SDK1: variants seen among roughly 807,000 people sequenced by gnomAD.
SDK1 encodes the protein protein sidekick-1.
In SDK1, 157 loss-of-function variants were observed where a neutral mutation model predicts 245.5. The ratio of observed to expected loss-of-function variants is 0.64; its 90% CI spans 0.56 to 0.73. The LOEUF is 0.73. Ranked by LOEUF, SDK1 falls within the 30% of genes least tolerant of loss-of-function variation. The pLI, the probability that SDK1 is intolerant of heterozygous loss-of-function variation, is 0.00. For synonymous variants in SDK1, 1,647 were observed against 1,278.5 expected (o/e 1.29, Z -6.15); for missense variants, 3,583 against 3,002.3 (o/e 1.19, Z -4.52).
intron 1 of SDK1, among the ~76,000 whole-genome samples, chr7:3,331,961 A>G (rs1780080154): frequency 1.3e-5 from 2 of 152,232 alleles, no homozygotes; most frequent in Admixed American, 1.3e-4. Context: ...CTTTACAGGT[A>G]CTAAAAATCA....
At chr7:3,880,292 C>T (rs1436690399) in intron 5 of SDK1, among the ~76,000 whole-genome samples, 2 of 152,190 alleles carry the variant, frequency 1.3e-5, no homozygotes, top group African/African-American at 4.8e-5. Flanking sequence ...GGTTGCAGAC[C>T]AGCCGTACCC....
chr7:3,603,581 G>A (rs1393835172), intron 1 of SDK1, among the ~76,000 whole-genome samples: 1 of 151,910 alleles, frequency 6.6e-6, no homozygotes, highest in East Asian at 1.9e-4. Context: ...GGAGATTTTG[G>A]GCTGAGACGA....
At chr7:3,604,197 T>C (rs1168132454) in intron 1 of SDK1, among the ~76,000 whole-genome samples, 2 of 152,228 alleles carry the variant, frequency 1.3e-5, no homozygotes, top group African/African-American at 4.8e-5. Context: ...GTTGGCCTCA[T>C]AAAATGAGTT....
chr7:3,750,753 T>G (rs1461492071), intron 4 of SDK1, among the ~76,000 whole-genome samples: 1 of 152,226 alleles, frequency 6.6e-6, no homozygotes, highest in Non-Finnish European at 1.5e-5. Flanking sequence ...AGTTTGGCCA[T>G]GCAAAGAATC....
rs572079935 is a variant in SDK1, at chr7:3,683,330, T to A, written c.713+41225T>A. On this transcript the variant is annotated intron_variant, in intron 4 of 44. Coordinates refer to ENST00000404826, the MANE Select transcript of SDK1 (RefSeq NM_152744.4). Reference sequence around the variant, plus strand: ...AATGAATAATTATTTAAGCCTTTTATCTTTAAAAGATAATGCCTTTCAGCT... The same window carrying A: ...AATGAATAATTATTTAAGCCTTTTAACTTTAAAAGATAATGCCTTTCAGCT... Among the ~76,000 whole-genome samples, 21 of 152,336 alleles carry A rather than the reference T, an allele frequency of 1.4e-4. No individual in the cohort carries two copies. In the East Asian group the frequency reaches 3.9e-3, roughly 28 times the overall value.
chr7:4,073,419 C>A (rs1780390371), intron 20 of SDK1, among the ~76,000 whole-genome samples: 1 of 152,204 alleles, frequency 6.6e-6, no homozygotes, highest in Admixed American at 6.5e-5. Context: ...ACCATTTGAG[C>A]ACACTATATT....
intron 1 of SDK1, among the ~76,000 whole-genome samples, chr7:3,612,719 C>G (rs976798109): frequency 6.6e-6 from 1 of 152,138 alleles, no homozygotes. Flanking sequence ...ATTAGTCGCC[C>G]TGGGAAATTC....
intron 4 of SDK1, among the ~76,000 whole-genome samples, chr7:3,684,481 C>A (rs999856048): frequency 2.6e-5 from 4 of 152,170 alleles, no homozygotes; most frequent in African/African-American, 9.7e-5. Context: ...ACACACATAC[C>A]CAGCCGGCCT....
intron 5 of SDK1, among the ~76,000 whole-genome samples, chr7:3,935,075 G>A (rs533428776): frequency 6.6e-6 from 1 of 152,254 alleles, no homozygotes; most frequent in African/African-American, 2.4e-5. Flanking sequence ...TTTGTAAGCC[G>A]GTCATATCTC....
At chr7:3,698,746 G>A (rs988124816) in intron 4 of SDK1, among the ~76,000 whole-genome samples, 2 of 152,182 alleles carry the variant, frequency 1.3e-5, no homozygotes, top group Admixed American at 1.3e-4. Context: ...TCACATGGCA[G>A]GTAGAGAGAG....
intron 1 of SDK1, among the ~76,000 whole-genome samples, chr7:3,587,014 G>GGAGGAA (rs1176908849): frequency 6.6e-6 from 1 of 152,094 alleles, no homozygotes; most frequent in African/African-American, 2.4e-5. Flanking sequence ...TGGAGGAGGA[G>GGAGGAA]GAGGAAGGAC....
intron 13 of SDK1, among the ~76,000 whole-genome samples, chr7:3,982,631 G>T (rs1237971574): frequency 1.3e-5 from 2 of 151,978 alleles, no homozygotes; most frequent in Non-Finnish European, 2.9e-5. Flanking sequence ...ACAAGGTCAG[G>T]AGATCGAGAC....
At chr7:3,413,021 C>A (rs1369909092) in intron 1 of SDK1, among the ~76,000 whole-genome samples, 2 of 152,146 alleles carry the variant, frequency 1.3e-5, no homozygotes, top group Non-Finnish European at 2.9e-5. Context: ...GTGATAAATA[C>A]TGTGAAAATA....
rs141063792 is a variant in SDK1 at position 3,521,674 on chromosome 7, T to C, written c.299-97406T>C. ...TACTGTGGATTCGATAGTCTAATGATTGAGGAGTTACAGAAGTGGGGGAAG... is the reference window on the plus strand; with the variant it reads ...TACTGTGGATTCGATAGTCTAATGACTGAGGAGTTACAGAAGTGGGGGAAG... On this transcript the variant is annotated intron_variant, in intron 1 of 44. Transcript: ENST00000404826. 4.6e-4 allele frequency among the ~76,000 whole-genome samples: 70 copies of C among 152,250 alleles called. 1 individual carries two copies. The South Asian group carries it at 0.011, about 23-fold the overall frequency.
chr7:4,105,386 A>C (rs1352607980), intron 22 of SDK1, among the ~76,000 whole-genome samples: 2 of 151,512 alleles, frequency 1.3e-5, no homozygotes, highest in East Asian at 3.9e-4. Flanking sequence ...AGCTCACTGC[A>C]TCCTCCACCC....
Position 4,268,886 on chromosome 7 carries a change from C to G in SDK1, c.*3502C>G. The G allele has an allele frequency of 4.2e-6, 2 of 471,338 alleles. No individual in the cohort carries two copies. The highest frequency in any genetic ancestry group is 3.9e-5 in the South Asian group (2 of 51,608). The allele number at this position is 471,338 out of a possible 1,614,324, so 29.2% of individuals were successfully genotyped here. A position where few individuals can be genotyped will look rare whatever the true frequency, so the allele number is the denominator to read the frequency against. ...CCCTAAACGTTCCCTACAACTTTTT[C>G]TGAAATTGTGCAGAAAAACAGATCT... On this transcript the variant is annotated 3_prime_UTR_variant, in exon 45 of 45. Transcript: ENST00000404826.
chr7:3,683,518 C>T (rs781274161), intron 4 of SDK1, among the ~76,000 whole-genome samples: 7 of 152,210 alleles, frequency 4.6e-5, no homozygotes, highest in Non-Finnish European at 1.0e-4. Context: ...GGACAAGAAA[C>T]TCACATATAC....
chr7:3,900,910 CTAATA>C (rs1781765574), intron 5 of SDK1, among the ~76,000 whole-genome samples: 1 of 152,076 alleles, frequency 6.6e-6, no homozygotes, highest in South Asian at 2.1e-4. Context: ...GTTCTGTTAT[CTAATA>C]TATCATTCAA....
rs549451056 is a variant in SDK1 at position 4,146,023 on chromosome 7, C to T, written c.4423+107C>T. The T allele has an allele frequency of 3.4e-4, 325 of 962,058 alleles. 3 individuals carry two copies. In the African/African-American group the frequency reaches 3.9e-3, roughly 12 times the overall value. 59.6% of individuals were successfully genotyped at this position (962,058 alleles called of 1,614,324 possible). A position where few individuals can be genotyped will look rare whatever the true frequency, so the allele number is the denominator to read the frequency against. Reference sequence around the variant, plus strand: ...ACCTGGGAGGCTTCGGCCTTCCCTTCGGAGAAAGAGAAGGGATGTGAGCAT... The same window carrying T: ...ACCTGGGAGGCTTCGGCCTTCCCTTTGGAGAAAGAGAAGGGATGTGAGCAT... On this transcript the variant is annotated intron_variant, in intron 29 of 44. Coordinates refer to ENST00000404826, the MANE Select transcript of SDK1 (RefSeq NM_152744.4).
Sources: allele counts gnomAD v4.1 joint callset (sites outside exome capture counted in the v4.1 genomes callset), GRCh38; gene constraint gnomAD v4.1.1; transcripts MANE v1.5; gene names NCBI Gene and HGNC (gene_info 2026-07-23, HGNC 2026-07-21).